Variants in ASXL2 observed in about 807,000 individuals in gnomAD.
ASXL2 encodes the protein putative Polycomb group protein ASXL2.
Under a neutral mutation model 122.0 loss-of-function variants are expected in ASXL2, and 23 were observed. That is an observed-to-expected ratio of 0.19 (90% CI 0.14 to 0.27). ASXL2 has a LOEUF of 0.27. Among genes scored for constraint, ASXL2 ranks in the 10% least tolerant of loss-of-function variants. The probability of loss-of-function intolerance (pLI) is 1.00; values close to 1 mark genes in which losing one functional copy is unlikely to be tolerated. For missense variants in ASXL2, 1,518 were observed against 1,713.8 expected, an observed-to-expected ratio of 0.89 and a Z score of 2.02; for synonymous variants, 650 against 637.0, an observed-to-expected ratio of 1.02 and a Z score of -0.31.
intron 5 of ASXL2, among the ~76,000 whole-genome samples, chr2:25,792,104 C>T (rs1370119471): frequency 6.6e-6 from 1 of 152,242 alleles, no homozygotes; most frequent in Non-Finnish European, 1.5e-5. Context: ...TCAAGCAATC[C>T]TCCTGCCTCA....
intron 3 of ASXL2, among the ~76,000 whole-genome samples, chr2:25,820,946 C>T (rs1451444733): frequency 6.6e-6 from 1 of 152,094 alleles, no homozygotes; most frequent in East Asian, 1.9e-4. Context: ...GCGGGCGGAT[C>T]ACCTGAGGTC....
At chr2:25,773,582 CA>C (rs1407673819) in intron 5 of ASXL2, among the ~76,000 whole-genome samples, 1 of 150,336 alleles carries the variant, frequency 6.7e-6, no homozygotes, top group Non-Finnish European at 1.5e-5. Context: ...AGGAGAATGG[CA>C]TGAACCTGGG....
In ASXL2 at chr2:25,741,298, C is replaced by T. The variant is rs1048005146; in HGVS notation, c.*731G>A. 16 of 223,428 alleles carry T rather than the reference C, an allele frequency of 7.2e-5. No homozygotes were observed. The highest frequency in any genetic ancestry group is 3.1e-4 in the African/African-American group (14 of 44,868). 13.8% of individuals were successfully genotyped at this position (223,428 alleles called of 1,614,324 possible). A position where few individuals can be genotyped will look rare whatever the true frequency, so the allele number is the denominator to read the frequency against. On this transcript the variant is annotated 3_prime_UTR_variant, in exon 13 of 13. Coordinates refer to ENST00000435504, the MANE Select transcript of ASXL2 (RefSeq NM_018263.6). The stretch of plus-strand genomic sequence containing the variant: ...ACGGACTACATTCACTGTCTCAGGG[C>T]AGGGGGTGGGATTAGGGAACAGCAG...
intron 3 of ASXL2, chr2:25,810,025 C>T: frequency 1.8e-6 from 1 of 548,284 alleles, no homozygotes; most frequent in Non-Finnish European, 3.6e-6. Flanking sequence ...CATCAGTTGT[C>T]TTTTCCAGCT....
chr2:25,828,835 A>AAC (rs1553703400), intron 3 of ASXL2, among the ~76,000 whole-genome samples: 1 of 150,834 alleles, frequency 6.6e-6, no homozygotes, highest in African/African-American at 2.4e-5. Flanking sequence ...AAAAAAAAAA[A>AAC]AAAAAAAAAA....
At chr2:25,768,640 A>ATT (rs2088394329) in intron 7 of ASXL2, 102 bp downstream of exon 7, 1 of 1,301,870 alleles carries the variant, frequency 7.7e-7, no homozygotes, top group African/African-American at 1.5e-5. Flanking sequence ...GTGTAAGTAA[A>ATT]TATAATTTAA....
chr2:25,751,561 G>A (rs1267386080), intron 11 of ASXL2, among the ~76,000 whole-genome samples: 2 of 151,810 alleles, frequency 1.3e-5, no homozygotes, highest in Non-Finnish European at 2.9e-5. Flanking sequence ...CTAAGCCCGG[G>A]AGATTAAGGC....
intron 12 of ASXL2, among the ~76,000 whole-genome samples, chr2:25,745,411 C>T (rs1346934450): frequency 1.3e-5 from 2 of 151,284 alleles, no homozygotes; most frequent in African/African-American, 4.9e-5. Flanking sequence ...TGGGGTTTCA[C>T]CATGTTGGCT....
intron 2 of ASXL2, among the ~76,000 whole-genome samples, chr2:25,842,090 C>T (rs965913864): frequency 1.3e-4 from 18 of 143,628 alleles, no homozygotes; most frequent in African/African-American, 4.4e-4. Flanking sequence ...CCAGCCTGGG[C>T]GACAAGAGCA....
At chr2:25,816,038 A>T (rs2089229364) in intron 3 of ASXL2, among the ~76,000 whole-genome samples, 3 of 152,150 alleles carry the variant, frequency 2.0e-5, no homozygotes, top group African/African-American at 7.2e-5. Flanking sequence ...ATGCTACCCA[A>T]ATCTGTACAG....
rs1156236097 is a variant in ASXL2 at position 25,734,899 on chromosome 2, G to A, written c.*7130C>T. On this transcript the variant is annotated 3_prime_UTR_variant, in exon 13 of 13. Transcript: ENST00000435504. ...CTTAAAAAGAAATCTCTCAAAAATG[G>A]AATAAGCTACTTAATTCAAAGTTTA... is the stretch of plus-strand genomic sequence containing the variant. 6.6e-6 allele frequency: 1 copy of A among 152,086 alleles called. No homozygotes were observed. The highest frequency in any genetic ancestry group is 1.5e-5 in the Non-Finnish European group (1 of 68,018). 9.4% of individuals were successfully genotyped at this position (152,086 alleles called of 1,614,324 possible). A position where few individuals can be genotyped will look rare whatever the true frequency, so the allele number is the denominator to read the frequency against.
At chr2:25,791,304 T>A (rs1357489765) in intron 5 of ASXL2, among the ~76,000 whole-genome samples, 1 of 152,112 alleles carries the variant, frequency 6.6e-6, no homozygotes, top group South Asian at 2.1e-4. Flanking sequence ...CTGGCCAACA[T>A]GGCAAAACCC....
In ASXL2 at chr2:25,742,462, G is replaced by A. The variant is rs553349404; in HGVS notation, c.3875C>T (p.Thr1292Ile). ...GCTGTCTGCAGGCAGAGGAAGAACAGTAGAACTGAAAAGCTCGGGGCTGCT... is the reference window on the plus strand; with the variant it reads ...GCTGTCTGCAGGCAGAGGAAGAACAATAGAACTGAAAAGCTCGGGGCTGCT... ...IRSSPELFSS[T>I]VLPLPADSPT... Residue 1292 changes from threonine to isoleucine, a missense_variant, in exon 13 of 13, where the codon ACT becomes ATT. Physicochemically the swap from Thr to Ile is moderately conservative, Grantham distance 89. Coordinates refer to ENST00000435504, the MANE Select transcript of ASXL2 (RefSeq NM_018263.6). 23 of 1,612,986 alleles carry A rather than the reference G, an allele frequency of 1.4e-5. No individual in the cohort carries two copies. The highest frequency in any genetic ancestry group is 1.9e-5 in the Non-Finnish European group (22 of 1,179,404).
chr2:25,842,607 C>T (rs1014808955), intron 2 of ASXL2, among the ~76,000 whole-genome samples: 1 of 151,920 alleles, frequency 6.6e-6, no homozygotes, highest in Non-Finnish European at 1.5e-5. Context: ...CCTGCCTCGG[C>T]CTCCCAAAGT....
intron 3 of ASXL2, among the ~76,000 whole-genome samples, chr2:25,813,729 A>T (rs535483198): frequency 5.3e-5 from 8 of 152,236 alleles, no homozygotes; most frequent in Non-Finnish European, 8.8e-5. Flanking sequence ...TGGCACACAC[A>T]TCTGGTGAAA....
intron 1 of ASXL2, among the ~76,000 whole-genome samples, chr2:25,869,808 C>A (rs1016190621): frequency 6.0e-5 from 9 of 150,714 alleles, no homozygotes; most frequent in African/African-American, 2.2e-4. Flanking sequence ...AGAGCAAGAC[C>A]CTGTTTCAAA....
intron 3 of ASXL2, chr2:25,810,764 T>C (rs2089155495): frequency 3.6e-6 from 2 of 550,034 alleles, no homozygotes; most frequent in East Asian, 4.7e-5. Flanking sequence ...GTACTACCTT[T>C]GGAATTTTGT....
Position 25,776,336 on chromosome 2 carries a change from TAA to T in ASXL2, c.404-4798_404-4797del, listed in dbSNP as rs751014444. ...AGGCTCATCCATGTTTCAATATGTA[TAA>T]ATACTTTATTCTTTATCGTAAAATA... On this transcript the variant is annotated intron_variant, in intron 5 of 12. Coordinates refer to ENST00000435504, the MANE Select transcript of ASXL2 (RefSeq NM_018263.6). Among the ~76,000 whole-genome samples the T allele has an allele frequency of 9.2e-3, 1,395 of 152,364 alleles. 8 individuals carry two copies. The highest frequency in any genetic ancestry group is 0.014 in the Admixed American group (219 of 15,308).
intron 4 of ASXL2, among the ~76,000 whole-genome samples, chr2:25,804,117 C>T (rs13405775): frequency 0.31 from 47,646 of 151,924 alleles, 7,930 homozygotes; most frequent in African/African-American, 0.38. Context: ...CCTGTAACCC[C>T]AGGAAATTCA....
Sources: gnomAD v4.1 joint callset for allele counts (sites outside exome capture counted in the v4.1 genomes callset) on GRCh38, gnomAD v4.1.1 for gene constraint, MANE v1.5 for transcripts, NCBI Gene and HGNC (gene_info 2026-07-23, HGNC 2026-07-21) for gene names.